The following PTPRG variants were observed in gnomAD, a reference collection of about 807,000 sequenced individuals.
The protein encoded by PTPRG is receptor-type tyrosine-protein phosphatase gamma.
A neutral mutation model predicts 165.3 loss-of-function variants in PTPRG; 102 were observed. The ratio of observed to expected loss-of-function variants is 0.62; its 90% CI spans 0.53 to 0.73. The LOEUF (loss-of-function observed/expected upper bound fraction) is 0.73, where lower values mean the gene tolerates loss of function less well. Ranked by LOEUF, PTPRG falls within the 30% of genes least tolerant of loss-of-function variation. The pLI, the probability that PTPRG is intolerant of heterozygous loss-of-function variation, is 0.00. For missense variants in PTPRG, 1,866 were observed against 1,861.4 expected (o/e 1.00, Z -0.05); for synonymous variants, 675 against 669.5 (o/e 1.01, Z -0.13).
At chr3:61,919,981 C>G (rs1438391451) in intron 2 of PTPRG, among the ~76,000 whole-genome samples, 4 of 152,140 alleles carry the variant, frequency 2.6e-5, no homozygotes, top group African/African-American at 9.7e-5. Context: ...ATGATGGTAT[C>G]CAGGATTCCA....
intron 6 of PTPRG, among the ~76,000 whole-genome samples, chr3:62,135,052 C>A (rs879361362): frequency 3.3e-5 from 5 of 151,988 alleles, no homozygotes; most frequent in Admixed American, 3.3e-4. Context: ...GTGGGTGAAT[C>A]ACTTGAGCCC....
At chr3:61,609,101 T>C (rs1414712811) in intron 1 of PTPRG, among the ~76,000 whole-genome samples, 2 of 152,198 alleles carry the variant, frequency 1.3e-5, no homozygotes, top group Non-Finnish European at 2.9e-5. Flanking sequence ...ACCTTTTCCA[T>C]TTATGAAAAT....
At chr3:61,817,664 G>A (rs1243383664) in intron 2 of PTPRG, among the ~76,000 whole-genome samples, 1 of 152,166 alleles carries the variant, frequency 6.6e-6, no homozygotes, top group East Asian at 1.9e-4. Context: ...ATTGGCCCCA[G>A]AGGGAAGAGA....
At position 62,281,626 on chromosome 3, in the gene PTPRG, G is replaced by A. The variant is rs143489755; in HGVS notation, c.3829G>A (p.Val1277Ile). 233 of 1,582,620 alleles carry A rather than the reference G, an allele frequency of 1.5e-4. No homozygotes were observed. The East Asian group carries it at 3.6e-3, about 25-fold the overall frequency. Residue 1277 changes from valine (V) to isoleucine (I), a missense_variant, in exon 27 of 30, where the codon GTC (valine) becomes ATC (isoleucine). By Grantham distance (29) the Val-to-Ile change is conservative (BLOSUM62 3). Transcript: ENST00000474889. ...ATCCATGAACTGTGAGGCCTTTACC[G>A]TCACCCTTATCAGCAAAGACAGACT... ...EESMNCEAFT[V>I]TLISKDRLCL...
At chr3:62,016,755 T>A (rs1315798774) in intron 4 of PTPRG, among the ~76,000 whole-genome samples, 1 of 152,184 alleles carries the variant, frequency 6.6e-6, no homozygotes, top group African/African-American at 2.4e-5. Flanking sequence ...TCCAAAGATC[T>A]TACCTTGGCC....
At chr3:61,798,423 A>G (rs1245658433) in intron 2 of PTPRG, among the ~76,000 whole-genome samples, 1 of 152,174 alleles carries the variant, frequency 6.6e-6, no homozygotes, top group Non-Finnish European at 1.5e-5. Flanking sequence ...ATGGACAGTA[A>G]TATCAGGCAT....
chr3:62,095,417 A>G (rs1345863385), intron 5 of PTPRG, among the ~76,000 whole-genome samples: 1 of 152,200 alleles, frequency 6.6e-6, no homozygotes, highest in Non-Finnish European at 1.5e-5. Flanking sequence ...AGTAGAGGAG[A>G]TCACGTACCA....
intron 5 of PTPRG, chr3:62,124,576 C>G (rs1703214756): frequency 7.7e-7 from 1 of 1,306,034 alleles, no homozygotes; most frequent in Admixed American, 1.7e-5. Context: ...GGCTGTTTTT[C>G]CTAATGGACC....
chr3:61,615,915 G>T (rs1701284362), intron 1 of PTPRG, among the ~76,000 whole-genome samples: 1 of 152,172 alleles, frequency 6.6e-6, no homozygotes, highest in Non-Finnish European at 1.5e-5. Flanking sequence ...AAAGAGCTCT[G>T]ATTTCTTTTA....
At position 62,235,434 on chromosome 3, in the gene PTPRG, G is replaced by T. The variant is rs1259521663; in HGVS notation, c.2375+4123G>T. On this transcript the variant is annotated intron_variant, in intron 14 of 29. Coordinates refer to ENST00000474889, the MANE Select transcript of PTPRG (RefSeq NM_002841.4). ...TTTCTCAAAGCCAGCTAAAATAAAA[G>T]AACTGTCACGGTCTCATCAAAATGT... Among the ~76,000 whole-genome samples the T allele has an allele frequency of 2.0e-5, 3 of 152,150 alleles. No individual in the cohort carries two copies. In the East Asian group the frequency reaches 5.8e-4, roughly 29 times the overall value.
At chr3:61,989,200 T>G (rs1174505226) in intron 2 of PTPRG, among the ~76,000 whole-genome samples, 1 of 152,222 alleles carries the variant, frequency 6.6e-6, no homozygotes, top group East Asian at 1.9e-4. Context: ...TTTTTCATGT[T>G]TACAGTCTTT....
At chr3:61,871,203 A>G (rs796223882) in intron 2 of PTPRG, among the ~76,000 whole-genome samples, 2 of 149,090 alleles carry the variant, frequency 1.3e-5, no homozygotes, top group African/African-American at 5.0e-5. Context: ...ATGTTATGTT[A>G]TGTTATGTTA....
chr3:61,564,120 C>G (rs898240591), intron 1 of PTPRG, among the ~76,000 whole-genome samples: 2 of 152,210 alleles, frequency 1.3e-5, no homozygotes, highest in African/African-American at 4.8e-5. Context: ...ATGGGGACAT[C>G]TCCCCTTAGA....
intron 1 of PTPRG, among the ~76,000 whole-genome samples, chr3:61,746,986 T>G (rs575679831): frequency 6.6e-6 from 1 of 152,292 alleles, no homozygotes; most frequent in South Asian, 2.1e-4. Flanking sequence ...CAGCTGAGCA[T>G]AGTGGCATGC....
intron 5 of PTPRG, among the ~76,000 whole-genome samples, chr3:62,083,301 AT>A (rs1701642683): frequency 6.7e-6 from 1 of 149,088 alleles, no homozygotes; most frequent in African/African-American, 2.5e-5. Context: ...GGGTCTCACT[AT>A]GTTGCTCAGG....
rs1205200550 is a variant in PTPRG at position 62,297,247 on chromosome 3, T to C, written c.*3940T>C. 3 of 152,030 alleles carry C rather than the reference T, an allele frequency of 2.0e-5. No homozygotes were observed. In the East Asian group the frequency reaches 5.8e-4, roughly 29 times the overall value. The allele number at this position is 152,030 out of a possible 1,614,324, so 9.4% of individuals were successfully genotyped here. On this transcript the variant is annotated 3_prime_UTR_variant, in exon 30 of 30. Coordinates refer to ENST00000474889, the MANE Select transcript of PTPRG (RefSeq NM_002841.4). ...AGTTTTTTTTCCTTTTTGTGGTGGA[T>C]ATGTGAATTCAACTTTCTGTGTATT...
At chr3:61,798,252 A>C (rs1360957662) in intron 2 of PTPRG, among the ~76,000 whole-genome samples, 2 of 152,202 alleles carry the variant, frequency 1.3e-5, no homozygotes, top group Non-Finnish European at 2.9e-5. Context: ...AAGAAAATAG[A>C]TACAACTGTA....
At chr3:61,565,428 A>T (rs1456838848) in intron 1 of PTPRG, among the ~76,000 whole-genome samples, 11 of 152,162 alleles carry the variant, frequency 7.2e-5, no homozygotes, top group Non-Finnish European at 1.3e-4. Context: ...CTCACAACTC[A>T]ATCTTCTCTC....
intron 2 of PTPRG, among the ~76,000 whole-genome samples, chr3:61,780,666 T>G (rs2107077714): frequency 6.6e-6 from 1 of 152,300 alleles, no homozygotes. Flanking sequence ...TCCCTACTGA[T>G]GAGTGATATT....
Sources: allele counts gnomAD v4.1 joint callset (sites outside exome capture counted in the v4.1 genomes callset), GRCh38; gene constraint gnomAD v4.1.1; transcripts MANE v1.5; gene names NCBI Gene and HGNC (gene_info 2026-07-23, HGNC 2026-07-21).